The following ZBBX variants were observed in gnomAD, a reference collection of about 807,000 sequenced individuals.
ZBBX encodes the protein zinc finger B-box domain containing.
Under a neutral mutation model 108.5 loss-of-function variants are expected in ZBBX, and 101 were observed. The ratio of observed to expected loss-of-function variants is 0.93; its 90% CI spans 0.79 to 1.10. ZBBX has a LOEUF of 1.10. Ranked by LOEUF, ZBBX falls within the 50% of genes least tolerant of loss-of-function variation. ZBBX has a pLI of 0.00. For synonymous variants in ZBBX, 356 were observed against 323.4 expected (o/e 1.10, Z -1.08); for missense variants, 1,009 against 941.4 (o/e 1.07, Z -0.94).
At chr3:167,225,619 G>A in the ZBBX span, among the ~76,000 whole-genome samples, 15 of 151,746 alleles carry the variant, frequency 9.9e-5, no homozygotes, top group South Asian at 4.1e-4. Flanking sequence ...TTTGACTATC[G>A]GGGGCTCGGA....
At chr3:167,186,354 G>A in the ZBBX span, among the ~76,000 whole-genome samples, 2 of 151,946 alleles carry the variant, frequency 1.3e-5, no homozygotes, top group Admixed American at 1.3e-4. Context: ...TAACATACTG[G>A]CTGCCATAGT....
At chr3:167,403,249 T>C (rs899436705) in intron 1 of ZBBX, among the ~76,000 whole-genome samples, 1 of 152,122 alleles carries the variant, frequency 6.6e-6, no homozygotes, top group Non-Finnish European at 1.5e-5. Context: ...ACCCAACGCA[T>C]TGACATTTTA....
At chr3:167,257,266 TC>T (rs1723689401) in intron 20 of ZBBX, among the ~76,000 whole-genome samples, 1 of 152,206 alleles carries the variant, frequency 6.6e-6, no homozygotes, top group Admixed American at 6.5e-5. Flanking sequence ...TGATTTTGTA[TC>T]CTGCAACTTA....
chr3:167,331,487 C>T, intron 10 of ZBBX: 2 of 865,308 alleles, frequency 2.3e-6, no homozygotes, highest in Non-Finnish European at 2.8e-6. Flanking sequence ...TTTCAGCAGC[C>T]CTCCAGGGAA....
intron 1 of ZBBX, among the ~76,000 whole-genome samples, chr3:167,392,395 C>T (rs973934268): frequency 2.0e-5 from 3 of 151,808 alleles, no homozygotes; most frequent in African/African-American, 4.8e-5. Flanking sequence ...GAAGCATTGT[C>T]ATTTCCTTTG....
chr3:167,212,631 A>T, the ZBBX span, among the ~76,000 whole-genome samples: 2 of 151,932 alleles, frequency 1.3e-5, no homozygotes, highest in Non-Finnish European at 2.9e-5. Context: ...TGCACTGATG[A>T]CCCTTGGCTA....
intron 1 of ZBBX, among the ~76,000 whole-genome samples, chr3:167,394,326 GT>G (rs753437339): frequency 1.9e-4 from 29 of 151,896 alleles, no homozygotes; most frequent in Non-Finnish European, 3.8e-4. Flanking sequence ...CTTTAAAACT[GT>G]TTTATCCCCA....
At chr3:167,394,052 A>C (rs932557130) in intron 1 of ZBBX, among the ~76,000 whole-genome samples, 2 of 151,942 alleles carry the variant, frequency 1.3e-5, no homozygotes, top group Admixed American at 1.3e-4. Context: ...AAATCTGTTT[A>C]TATCTGGATG....
the ZBBX span, among the ~76,000 whole-genome samples, chr3:167,210,824 T>C: frequency 6.6e-6 from 1 of 152,018 alleles, no homozygotes; most frequent in African/African-American, 2.4e-5. Flanking sequence ...TCAATAAAAA[T>C]AACCTTCAAA....
chr3:167,380,021 G>A (rs1747557320), intron 1 of ZBBX, among the ~76,000 whole-genome samples: 1 of 152,162 alleles, frequency 6.6e-6, no homozygotes, highest in Non-Finnish European at 1.5e-5. Context: ...AACTCCTGAG[G>A]CCAGGGCCCC....
intron 9 of ZBBX, among the ~76,000 whole-genome samples, chr3:167,343,353 C>T (rs772025705): frequency 3.9e-5 from 6 of 151,928 alleles, no homozygotes; most frequent in Middle Eastern, 3.4e-3. Flanking sequence ...GTGTCAGTTG[C>T]TCTGTCATTT....
At chr3:167,186,198 C>T in the ZBBX span, among the ~76,000 whole-genome samples, 1 of 151,714 alleles carries the variant, frequency 6.6e-6, no homozygotes, top group African/African-American at 2.4e-5. Context: ...GTTTTAATTT[C>T]CATTTTTCTT....
chr3:167,278,254 C>A (rs1165011037), intron 20 of ZBBX, among the ~76,000 whole-genome samples: 2 of 147,880 alleles, frequency 1.4e-5, no homozygotes, highest in East Asian at 4.0e-4. Flanking sequence ...AAAATCAGAG[C>A]AGAAATGAAG....
intron 19 of ZBBX, among the ~76,000 whole-genome samples, chr3:167,283,331 G>T (rs902885704): frequency 6.6e-6 from 1 of 151,980 alleles, no homozygotes; most frequent in Non-Finnish European, 1.5e-5. Context: ...AGTTTTCAAG[G>T]TACATATTTA....
the ZBBX span, among the ~76,000 whole-genome samples, chr3:167,216,138 C>T: frequency 6.6e-6 from 1 of 152,002 alleles, no homozygotes; most frequent in African/African-American, 2.4e-5. Context: ...AGCAATCAGG[C>T]AAGAGAAAGA....
At chr3:167,390,709 C>G (rs954817804) in intron 1 of ZBBX, among the ~76,000 whole-genome samples, 1 of 151,944 alleles carries the variant, frequency 6.6e-6, no homozygotes, top group Non-Finnish European at 1.5e-5. Context: ...CCTTCACATC[C>G]CCTGTAAGTC....
At chr3:167,283,908 A>C (rs1051388037) in intron 19 of ZBBX, among the ~76,000 whole-genome samples, 1 of 151,970 alleles carries the variant, frequency 6.6e-6, no homozygotes, top group African/African-American at 2.4e-5. Flanking sequence ...ACCAAAGTGG[A>C]GTTTGTCTTT....
upstream of ZBBX, among the ~76,000 whole-genome samples, chr3:167,383,808 A>G (rs1363328182): frequency 1.3e-5 from 2 of 152,122 alleles, no homozygotes; most frequent in Non-Finnish European, 2.9e-5. Context: ...GCCCTAAGAT[A>G]GGTACAAAGG....
At chr3:167,296,550 G>A (rs1205309843) in intron 18 of ZBBX, among the ~76,000 whole-genome samples, 1 of 151,908 alleles carries the variant, frequency 6.6e-6, no homozygotes, top group Non-Finnish European at 1.5e-5. Flanking sequence ...AAAGTCAATA[G>A]GCAAATACCA....
Sources: gnomAD v4.1 joint callset for allele counts (sites outside exome capture counted in the v4.1 genomes callset) on GRCh38, gnomAD v4.1.1 for gene constraint, MANE v1.5 for transcripts, NCBI Gene and HGNC (gene_info 2026-07-23, HGNC 2026-07-21) for gene names.